Variants in BMAL2 observed in about 807,000 individuals in gnomAD.
BMAL2 encodes basic helix-loop-helix ARNT like 2.
At chr12:27,333,062 T>A in the BMAL2 span, 1 of 1,201,932 alleles carries the variant, frequency 8.3e-7, no homozygotes, top group Non-Finnish European at 1.0e-6. Context: ...GCCGACCAAG[T>A]GGCTCCTGCG....
chr12:27,407,856 T>C, the BMAL2 span, among the ~76,000 whole-genome samples: 2 of 151,170 alleles, frequency 1.3e-5, no homozygotes, highest in Non-Finnish European at 3.0e-5. Flanking sequence ...GCAAGACTAA[T>C]AAAGAAGAAA....
chr12:27,342,270 G>T, the BMAL2 span, among the ~76,000 whole-genome samples: 2 of 152,200 alleles, frequency 1.3e-5, no homozygotes, highest in Non-Finnish European at 2.9e-5. Context: ...TTACAATGCA[G>T]AGGAACTCTG....
At chr12:27,409,351 A>G in the BMAL2 span, among the ~76,000 whole-genome samples, 2 of 152,244 alleles carry the variant, frequency 1.3e-5, no homozygotes, top group African/African-American at 4.8e-5. Flanking sequence ...ACTGTACTAC[A>G]AAGCTACAGT....
chr12:27,420,954 C>T, the BMAL2 span: 18 of 155,464 alleles, frequency 1.2e-4, no homozygotes, highest in Non-Finnish European at 2.1e-4. Context: ...CCATTCCTTG[C>T]GAATTTCCTT....
chr12:27,358,736 A>G, the BMAL2 span, among the ~76,000 whole-genome samples: 3 of 152,162 alleles, frequency 2.0e-5, no homozygotes, highest in African/African-American at 7.2e-5. Context: ...TAATATATCT[A>G]TGCACTTATA....
chr12:27,382,087 T>G, the BMAL2 span, among the ~76,000 whole-genome samples: 2 of 152,228 alleles, frequency 1.3e-5, no homozygotes, highest in Non-Finnish European at 2.9e-5. Context: ...TGATGGGAGA[T>G]CTTATTTTCA....
the BMAL2 span, among the ~76,000 whole-genome samples, chr12:27,372,288 T>C: frequency 6.6e-6 from 1 of 152,140 alleles, no homozygotes; most frequent in African/African-American, 2.4e-5. Flanking sequence ...GTCTGACTTA[T>C]TTCACTTAGC....
At chr12:27,411,480 T>C in the BMAL2 span, among the ~76,000 whole-genome samples, 2 of 151,732 alleles carry the variant, frequency 1.3e-5, no homozygotes, top group African/African-American at 4.8e-5. Context: ...TAGCCACGCA[T>C]AGTGGGGCAC....
chr12:27,337,166 AC>A, the BMAL2 span, among the ~76,000 whole-genome samples: 2 of 152,156 alleles, frequency 1.3e-5, no homozygotes, highest in African/African-American at 4.8e-5. Flanking sequence ...GAGATTAAAA[AC>A]AAAGAAGTCT....
chr12:27,384,925 T>C, the BMAL2 span, among the ~76,000 whole-genome samples: 4 of 152,214 alleles, frequency 2.6e-5, no homozygotes, highest in African/African-American at 9.7e-5. Context: ...TTTTTATATA[T>C]AGCTCTTAAT....
the BMAL2 span, among the ~76,000 whole-genome samples, chr12:27,383,009 T>G: frequency 6.6e-6 from 1 of 152,252 alleles, no homozygotes; most frequent in Admixed American, 6.5e-5. Flanking sequence ...CTGATGACAT[T>G]GGTCTGCAGA....
chr12:27,416,522 A>G, the BMAL2 span, among the ~76,000 whole-genome samples: 1 of 152,250 alleles, frequency 6.6e-6, no homozygotes, highest in Non-Finnish European at 1.5e-5. Flanking sequence ...ACCTAGTGCT[A>G]TCTGGAAGAC....
chr12:27,394,810 C>G, the BMAL2 span, among the ~76,000 whole-genome samples: 1 of 152,170 alleles, frequency 6.6e-6, no homozygotes, highest in South Asian at 2.1e-4. Flanking sequence ...AGGACCTCAT[C>G]ATGGGATTAG....
the BMAL2 span, among the ~76,000 whole-genome samples, chr12:27,398,019 C>G: frequency 6.6e-6 from 1 of 152,242 alleles, no homozygotes; most frequent in African/African-American, 2.4e-5. Context: ...TCTCTGGAGC[C>G]AGTTCTGCCT....
the BMAL2 span, among the ~76,000 whole-genome samples, chr12:27,408,845 C>T: frequency 3.3e-5 from 5 of 152,138 alleles, no homozygotes; most frequent in South Asian, 6.2e-4. Flanking sequence ...CTAGAAAACC[C>T]CATTGTCTCA....
At chr12:27,334,694 A>G in the BMAL2 span, among the ~76,000 whole-genome samples, 3 of 152,240 alleles carry the variant, frequency 2.0e-5, no homozygotes, top group Non-Finnish European at 4.4e-5. Flanking sequence ...TTAATAGTTT[A>G]TTGCTCTTTG....
the BMAL2 span, among the ~76,000 whole-genome samples, chr12:27,344,784 TGCTTTATTTCTCTGA>T: frequency 6.6e-6 from 1 of 152,246 alleles, no homozygotes; most frequent in Admixed American, 6.5e-5. Flanking sequence ...ATAGCAAAGT[TGCTTTATTTCTCTGA>T]GCCTTGGTTT....
At chr12:27,412,251 G>A in the BMAL2 span, among the ~76,000 whole-genome samples, 1 of 152,150 alleles carries the variant, frequency 6.6e-6, no homozygotes, top group African/African-American at 2.4e-5. Context: ...AGTACAGAGG[G>A]CATTTATATA....
At chr12:27,382,961 T>TA in the BMAL2 span, among the ~76,000 whole-genome samples, 1 of 152,232 alleles carries the variant, frequency 6.6e-6, no homozygotes, top group African/African-American at 2.4e-5. Context: ...AGCCTCTAAA[T>TA]ACTTCTTAAA....
Sources: gnomAD v4.1 joint callset for allele counts (sites outside exome capture counted in the v4.1 genomes callset) on GRCh38, gnomAD v4.1.1 for gene constraint, MANE v1.5 for transcripts, NCBI Gene and HGNC (gene_info 2026-07-23, HGNC 2026-07-21) for gene names.